The following DOCK11 variants were observed in gnomAD, a reference collection of about 807,000 sequenced individuals.
DOCK11 encodes the protein dedicator of cytokinesis protein 11.
In DOCK11, 70 loss-of-function variants were observed where a neutral mutation model predicts 169.1. The observed-to-expected ratio is 0.41, with a 90% CI of 0.34 to 0.51. The LOEUF is 0.51. Ranked by LOEUF, DOCK11 falls within the 20% of genes least tolerant of loss-of-function variation. The pLI is 0.10. For missense variants in DOCK11, 1,166 were observed against 1,538.8 expected, an observed-to-expected ratio of 0.76 and a Z score of 4.05; for synonymous variants, 529 against 541.3, an observed-to-expected ratio of 0.98 and a Z score of 0.32.
chrX:118,568,238 A>T, intron 10 of DOCK11, 76 bp downstream of exon 10: 3 of 663,127 alleles, frequency 4.5e-6, no homozygotes, highest in Non-Finnish European at 6.6e-6. Flanking sequence ...AAATGTTGAA[A>T]TCACTGTTTT....
At chrX:118,593,149 A>AC in intron 19 of DOCK11, 65 bp from the exon 20 acceptor site, 2 of 1,129,236 alleles carry the variant, frequency 1.8e-6, no homozygotes. Flanking sequence ...ATGAAACTGA[A>AC]CTAATGTCTG....
chrX:118,588,449 T>G lies in DOCK11; in HGVS notation c.2017T>G (p.Ser673Ala), dbSNP rs780490341. The G allele has an allele frequency of 2.5e-6, 3 of 1,193,661 alleles. No individual in the cohort carries two copies. Among genetic ancestry groups the G allele is most frequent in the Non-Finnish European group, 3.4e-6 (3 of 887,281 alleles). Residue 673 changes from serine (S) to alanine (A), a missense_variant, in exon 18 of 53, where the codon TCA becomes GCA. Transcript: ENST00000276202. ...NIAVCVEFRD[S>A]DESDASALKC... ...TGCAGTCTGTGTGGAATTCCGGGAT[T>G]CAGATGAAAGTGACGCTAGTGCCCT...
At chrX:118,548,436 C>T (rs192469626) in intron 6 of DOCK11, among the ~76,000 whole-genome samples, 6 of 111,739 alleles carry the variant, frequency 5.4e-5, no homozygotes, top group Non-Finnish European at 9.4e-5. Context: ...AATTACTAAT[C>T]GGCAGGAGGG....
At chrX:118,525,892 A>G (rs2011364980) in intron 1 of DOCK11, among the ~76,000 whole-genome samples, 3 of 111,764 alleles carry the variant, frequency 2.7e-5, no homozygotes, top group South Asian at 7.5e-4. Flanking sequence ...TGATTTGACC[A>G]TGTTTCTTTT....
chrX:118,597,756 A>C (rs1291736899), intron 21 of DOCK11, among the ~76,000 whole-genome samples: 3 of 111,693 alleles, frequency 2.7e-5, no homozygotes, highest in Non-Finnish European at 5.6e-5. Flanking sequence ...TGATTTTAAT[A>C]ATTTTTTTAG....
chrX:118,676,764 C>T (rs751028071), intron 48 of DOCK11, 27 bp downstream of exon 48: 1 of 1,157,041 alleles, frequency 8.6e-7, no homozygotes, highest in Non-Finnish European at 1.2e-6. Context: ...ATGTTGAAAT[C>T]ATTATTTGTT....
intron 6 of DOCK11, among the ~76,000 whole-genome samples, chrX:118,558,351 A>G (rs2012792397): frequency 9.0e-6 from 1 of 111,504 alleles, no homozygotes; most frequent in South Asian, 3.8e-4. Context: ...TTACCCCAAG[A>G]GGCATTAAAA....
intron 20 of DOCK11, among the ~76,000 whole-genome samples, chrX:118,594,909 G>A (rs2014114275): frequency 9.0e-6 from 1 of 110,770 alleles, no homozygotes; most frequent in Non-Finnish European, 1.9e-5. Context: ...CAGAGGCAGA[G>A]TATCAAGAGG....
In DOCK11 at chrX:118,668,926, G is replaced by C. The variant is rs747805746; in HGVS notation, c.5077-2097G>C. 2.7e-5 allele frequency among the ~76,000 whole-genome samples: 3 copies of C among 111,718 alleles called. 1 individual carries two copies. In the Admixed American group the frequency reaches 2.9e-4, roughly 11 times the overall value. On this transcript the variant is annotated intron_variant, in intron 45 of 52. Transcript: ENST00000276202. The stretch of plus-strand genomic sequence containing the variant: ...GCTTCAGGGAAACTGCTAGTAGTTC[G>C]CTGTTGTTATAACATAAAGTACAAA...
At position 118,680,611 on chromosome X, in the gene DOCK11, G is replaced by A; in HGVS notation, c.5590G>A (p.Val1864Ile). ...AAGAAATCATAATATCAGCAGATTT[G>A]TTTTTGAGGCCCCTTACACTTTATC... ...FERNHNISRF[V>I]FEAPYTLSGK... Residue 1864 changes from valine (V) to isoleucine (I), a missense_variant, in exon 49 of 53, where the codon GTT becomes ATT. Val to Ile is a conservative substitution (Grantham distance 29, BLOSUM62 3). Transcript: ENST00000276202. The A allele has an allele frequency of 8.3e-7, 1 of 1,210,836 alleles. No individual in the cohort carries two copies. The highest frequency in any genetic ancestry group is 1.1e-6 in the Non-Finnish European group (1 of 894,889).
intron 31 of DOCK11, among the ~76,000 whole-genome samples, chrX:118,619,435 C>T: frequency 1.1e-5 from 1 of 92,564 alleles, no homozygotes; most frequent in Non-Finnish European, 2.1e-5. Context: ...GAGCTGAGAT[C>T]ATGCCACTGC....
At position 118,598,119 on chromosome X, in the gene DOCK11, A is replaced by G; in HGVS notation, c.2472+3A>G. 8.6e-7 allele frequency: 1 copy of G among 1,166,731 alleles called. No individual in the cohort carries two copies. The highest frequency in any genetic ancestry group is 1.2e-6 in the Non-Finnish European group (1 of 863,265). ...TAGAATCTACCATTTACACTCAAGT[A>G]AGTTGCATCATTTGAATTTTGTCAA... is the stretch of plus-strand genomic sequence containing the variant. On this transcript the variant is annotated splice_donor_region_variant and intron_variant, in intron 22 of 52. Transcript: ENST00000276202.
In DOCK11 at chrX:118,496,048, A is replaced by G. The variant is rs1442986957; in HGVS notation, c.77A>G (p.Glu26Gly). Reference protein sequence around the residue: ...TAAELRQSVSEAVRGSVVLEK... With the variant: ...TAAELRQSVSGAVRGSVVLEK... Reference sequence around the variant, plus strand: ...GCTGAGCTCCGGCAGAGCGTGTCTGAGGCCGTGCGGGGCTCCGTGGTGCTG... The same window carrying G: ...GCTGAGCTCCGGCAGAGCGTGTCTGGGGCCGTGCGGGGCTCCGTGGTGCTG... The change falls in exon 1 of 53, where the codon GAG becomes GGG. Residue 26 changes from glutamate (E) to glycine (G), a missense_variant. Physicochemically the swap from Glu to Gly is moderately conservative, Grantham distance 98 (BLOSUM62 -2). Transcript: ENST00000276202. 7 of 1,077,950 alleles carry G rather than the reference A, an allele frequency of 6.5e-6. No individual in the cohort carries two copies. Among genetic ancestry groups the G allele is most frequent in the Non-Finnish European group, 8.4e-6 (7 of 834,615 alleles). The allele number at this position is 1,077,950 out of a possible 1,213,427, so 88.8% of individuals were successfully genotyped here.
Position 118,685,801 on chromosome X carries a change from A to T in DOCK11, c.6216A>T (p.Glu2072Asp), listed in dbSNP as rs570137526. ...DRGYGSPRYAEV is the reference protein window; with the variant it reads ...DRGYGSPRYADV The stretch of plus-strand genomic sequence containing the variant: ...GTTATGGTTCCCCAAGATACGCTGA[A>T]GTGTGAGGAAATGCAGATGTACGTG... The change falls in exon 53 of 53, where the codon GAA becomes GAT. Residue 2072 changes from glutamate (E) to aspartate (D), a missense_variant. Coordinates refer to ENST00000276202, the MANE Select transcript of DOCK11 (RefSeq NM_144658.4). 2 of 1,209,676 alleles carry T rather than the reference A, an allele frequency of 1.7e-6. No homozygotes were observed. Among genetic ancestry groups the T allele is most frequent in the Non-Finnish European group, 1.1e-6 (1 of 894,941 alleles).
At chrX:118,523,211 A>G (rs1161068242) in intron 1 of DOCK11, among the ~76,000 whole-genome samples, 1 of 112,338 alleles carries the variant, frequency 8.9e-6, no homozygotes, top group Admixed American at 9.4e-5. Flanking sequence ...AGGGTAGGAC[A>G]TATGGTCACA....
intron 44 of DOCK11, among the ~76,000 whole-genome samples, chrX:118,660,336 G>A (rs2016181271): frequency 8.9e-6 from 1 of 112,021 alleles, no homozygotes; most frequent in South Asian, 3.7e-4. Flanking sequence ...TTACATTCTG[G>A]TGAAAGTTCC....
intron 35 of DOCK11, among the ~76,000 whole-genome samples, chrX:118,636,077 A>C (rs1310278519): frequency 2.7e-5 from 3 of 111,847 alleles, no homozygotes; most frequent in African/African-American, 9.7e-5. Context: ...AATGATACGA[A>C]GATTGGGATA....
At chrX:118,606,081 A>ATTTTTTT (rs952643747) in intron 24 of DOCK11, among the ~76,000 whole-genome samples, 4 of 71,094 alleles carry the variant, frequency 5.6e-5, no homozygotes, top group Non-Finnish European at 7.6e-5. Context: ...GAGGAACAGA[A>ATTTTTTT]TTTTTTTTTT....
At position 118,495,913 on chromosome X, in the gene DOCK11, T is replaced by C; in HGVS notation, c.-59T>C. ...CCGCGGCCGCCGCGGGCCGGGGCAG[T>C]GAGTCCACCCGCCCGCCGAGGTCCG... On this transcript the variant is annotated 5_prime_UTR_variant, in exon 1 of 53. The change abolishes the stop of an existing upstream ORF in the 5' untranslated region. Transcript: ENST00000276202. 1.3e-6 allele frequency: 1 copy of C among 796,476 alleles called. No individual in the cohort carries two copies. 65.6% of individuals were successfully genotyped at this position (796,476 alleles called of 1,213,427 possible).
Sources: allele counts gnomAD v4.1 joint callset (sites outside exome capture counted in the v4.1 genomes callset), GRCh38; gene constraint gnomAD v4.1.1; transcripts MANE v1.5; gene names NCBI Gene and HGNC (gene_info 2026-07-23, HGNC 2026-07-21).